The following ALDH18A1 variants were observed in gnomAD, a reference collection of about 807,000 sequenced individuals.
ALDH18A1 encodes the protein aldehyde dehydrogenase 18 family member A1.
ALDH18A1 carries 44 observed loss-of-function variants against 88.8 expected under a neutral mutation model. The ratio of observed to expected loss-of-function variants is 0.50; its 90% confidence interval spans 0.39 to 0.64. ALDH18A1 has a LOEUF of 0.64. Ranked by LOEUF, ALDH18A1 falls within the 30% of genes least tolerant of loss-of-function variation. The pLI is 0.00. For synonymous variants in ALDH18A1, 331 were observed against 372.1 expected, an observed-to-expected ratio of 0.89 and a Z score of 1.27; for missense variants, 782 against 1,009.5, an observed-to-expected ratio of 0.77 and a Z score of 3.05.
chr10:95,655,795 T>C (rs1174758324), intron 1 of ALDH18A1, among the ~76,000 whole-genome samples: 2 of 152,170 alleles, frequency 1.3e-5, no homozygotes, highest in African/African-American at 4.8e-5. Flanking sequence ...AAGAAAGTTT[T>C]CACGTTTTGA....
chr10:95,612,254 G>C (rs1407809872), intron 15 of ALDH18A1, among the ~76,000 whole-genome samples: 1 of 152,160 alleles, frequency 6.6e-6, no homozygotes, highest in Non-Finnish European at 1.5e-5. Flanking sequence ...ATTTCCAACT[G>C]CGTCAGTCTG....
intron 12 of ALDH18A1, among the ~76,000 whole-genome samples, chr10:95,619,607 A>T (rs1393782313): frequency 2.0e-4 from 31 of 152,210 alleles, no homozygotes; most frequent in Non-Finnish European, 4.0e-4. Flanking sequence ...CCAATGGAAC[A>T]GAACAGAGGC....
At chr10:95,637,498 A>C in intron 3 of ALDH18A1, 62 bp from the exon 4 acceptor site, 1 of 1,597,632 alleles carries the variant, frequency 6.3e-7, no homozygotes, top group Non-Finnish European at 8.5e-7. Context: ...ATCTCTTCAC[A>C]AGGGATGGAG....
intron 2 of ALDH18A1, among the ~76,000 whole-genome samples, chr10:95,646,738 C>T (rs1015584589): frequency 1.3e-5 from 2 of 152,118 alleles, no homozygotes; most frequent in Admixed American, 1.3e-4. Context: ...CTTTTAGGCT[C>T]TAAGTTCCAA....
intron 10 of ALDH18A1, 140 bp downstream of exon 10, chr10:95,626,563 C>A (rs2097860687): frequency 2.5e-6 from 2 of 794,598 alleles, no homozygotes; most frequent in African/African-American, 1.7e-5. Context: ...AAAGGCAGAG[C>A]AAATTTGAAT....
intron 2 of ALDH18A1, among the ~76,000 whole-genome samples, chr10:95,651,814 T>TG (rs2097910877): frequency 6.6e-6 from 1 of 152,196 alleles, no homozygotes; most frequent in African/African-American, 2.4e-5. Context: ...GGGACATACA[T>TG]TCAAACTATG....
In ALDH18A1 at chr10:95,649,594, A is replaced by C. The variant is rs1164106403; in HGVS notation, c.88+3696T>G. 3.3e-5 allele frequency among the ~76,000 whole-genome samples: 5 copies of C among 152,110 alleles called. No homozygotes were observed. In the East Asian group the frequency reaches 9.7e-4, roughly 29 times the overall value. ...ATGGTCTCGATATCCTGACCTCGTG[A>C]TCTGCCCACCTCGGCCTCCCAAAGT... On this transcript the variant is annotated intron_variant, in intron 2 of 17. Transcript: ENST00000371224.
intron 3 of ALDH18A1, among the ~76,000 whole-genome samples, chr10:95,642,069 C>A (rs945958): frequency 0.75 from 113,908 of 152,054 alleles, 43,878 homozygotes; most frequent in Middle Eastern, 0.85. Flanking sequence ...ACCTCAGGAA[C>A]TTGTTTTTTA....
chr10:95,623,468 C>T (rs776152977), intron 11 of ALDH18A1, among the ~76,000 whole-genome samples: 8 of 151,868 alleles, frequency 5.3e-5, no homozygotes, highest in Non-Finnish European at 1.0e-4. Context: ...AGTGCAGTAG[C>T]GCAATCTCGG....
At chr10:95,622,170 A>T (rs182723311) in intron 11 of ALDH18A1, among the ~76,000 whole-genome samples, 1 of 152,326 alleles carries the variant, frequency 6.6e-6, no homozygotes, top group Non-Finnish European at 1.5e-5. Context: ...TTTGGGAAGG[A>T]GAACAGAATT....
At chr10:95,607,228 T>C (rs1284107613) in intron 17 of ALDH18A1, among the ~76,000 whole-genome samples, 1 of 152,252 alleles carries the variant, frequency 6.6e-6, no homozygotes, top group Non-Finnish European at 1.5e-5. Flanking sequence ...CTGTCTCTTT[T>C]ATCAGTTTAG....
chr10:95,643,999 C>T (rs535935917), intron 2 of ALDH18A1, among the ~76,000 whole-genome samples: 3 of 152,172 alleles, frequency 2.0e-5, no homozygotes, highest in South Asian at 2.1e-4. Flanking sequence ...AAAACTTAGC[C>T]GAGCATGGTG....
chr10:95,647,698 A>C (rs759930296), intron 2 of ALDH18A1, among the ~76,000 whole-genome samples: 2 of 152,268 alleles, frequency 1.3e-5, no homozygotes, highest in Non-Finnish European at 2.9e-5. Context: ...AGACCAAGAC[A>C]AAATCTGAAC....
chr10:95,622,916 T>C (rs1290966185), intron 11 of ALDH18A1, among the ~76,000 whole-genome samples: 5 of 152,264 alleles, frequency 3.3e-5, no homozygotes, highest in African/African-American at 9.6e-5. Flanking sequence ...CATCTTCATA[T>C]ATATACATGT....
chr10:95,611,759 G>C lies in ALDH18A1; in HGVS notation c.1924-317C>G, dbSNP rs181162734. On this transcript the variant is annotated intron_variant, in intron 15 of 17. Transcript: ENST00000371224. ...GGCTGAGACGGGTGGATAACTTGAG[G>C]TCAGGAGTTCAAAAACCAACCTGGC... Among the ~76,000 whole-genome samples, 668 of 130,236 alleles carry C rather than the reference G, an allele frequency of 5.1e-3. 2 individuals carry two copies. The highest frequency in any genetic ancestry group is 0.024 in the Middle Eastern group (6 of 252). The allele number at this position is 130,236 out of a possible 152,430, so 85.4% of individuals were successfully genotyped here. A position where few individuals can be genotyped will look rare whatever the true frequency, so the allele number is the denominator to read the frequency against.
intron 11 of ALDH18A1, among the ~76,000 whole-genome samples, chr10:95,623,439 G>C (rs1303838712): frequency 6.6e-6 from 1 of 151,014 alleles, no homozygotes; most frequent in Non-Finnish European, 1.5e-5. Flanking sequence ...ATGAAGTCTT[G>C]CTCTGCCGCT....
At chr10:95,647,088 T>C (rs921569037) in intron 2 of ALDH18A1, among the ~76,000 whole-genome samples, 1 of 152,192 alleles carries the variant, frequency 6.6e-6, no homozygotes. Flanking sequence ...CTGCTTATCA[T>C]GGTCAGTGAA....
At chr10:95,620,676 A>G (rs141047766) in intron 12 of ALDH18A1, among the ~76,000 whole-genome samples, 75 of 152,246 alleles carry the variant, frequency 4.9e-4, no homozygotes, top group African/African-American at 1.5e-3. Flanking sequence ...GAATCTCAGC[A>G]AACTCTCACA....
chr10:95,649,245 G>A (rs367624791), intron 2 of ALDH18A1, among the ~76,000 whole-genome samples: 1 of 152,032 alleles, frequency 6.6e-6, no homozygotes, highest in Admixed American at 6.6e-5. Flanking sequence ...GTTGGGTGCA[G>A]TGGCTCACAC....
Sources: allele counts gnomAD v4.1 joint callset (sites outside exome capture counted in the v4.1 genomes callset), GRCh38; gene constraint gnomAD v4.1.1; transcripts MANE v1.5; gene names NCBI Gene and HGNC (gene_info 2026-07-23, HGNC 2026-07-21).